CLPTM1: variants seen among roughly 807,000 people sequenced by gnomAD.
CLPTM1 encodes CLPTM1 regulator of GABA type A receptor forward trafficking, also known as putative lipid scramblase CLPTM1.
A neutral mutation model predicts 77.3 loss-of-function variants in CLPTM1; 21 were observed. The observed-to-expected ratio is 0.27, with a 90% confidence interval of 0.19 to 0.39. The LOEUF (loss-of-function observed/expected upper bound fraction) is 0.39. Among genes scored for constraint, CLPTM1 ranks in the 10% least tolerant of loss-of-function variants. CLPTM1 has a pLI of 1.00. For synonymous variants in CLPTM1, 373 were observed against 381.0 expected (o/e 0.98, Z 0.24); for missense variants, 642 against 921.2 (o/e 0.70, Z 3.92).
chr19:44,978,832 G>A (rs1157648889), intron 5 of CLPTM1, among the ~76,000 whole-genome samples: 1 of 151,920 alleles, frequency 6.6e-6, no homozygotes, highest in Admixed American at 6.6e-5. Flanking sequence ...GGGAGTACTA[G>A]AGTACATCAG....
chr19:44,968,086 C>T (rs184632872), intron 2 of CLPTM1, among the ~76,000 whole-genome samples: 5 of 152,252 alleles, frequency 3.3e-5, no homozygotes, highest in African/African-American at 1.2e-4. Flanking sequence ...TGAAATCTTT[C>T]CACGTCAGTG....
chr19:44,978,409 C>A (rs1180750944), intron 5 of CLPTM1, among the ~76,000 whole-genome samples: 64 of 138,852 alleles, frequency 4.6e-4, no homozygotes, highest in Middle Eastern at 3.6e-3. Flanking sequence ...GTCTCCGTCT[C>A]AAAAAAAAAA....
intron 8 of CLPTM1, 22 bp from the exon 9 acceptor site, chr19:44,988,058 T>C: frequency 6.4e-7 from 1 of 1,567,232 alleles, no homozygotes; most frequent in Non-Finnish European, 8.8e-7. Flanking sequence ...GGACAGGCTG[T>C]GCTCACATGT....
upstream of CLPTM1, chr19:44,954,883 G>T (rs1970432152): frequency 7.9e-7 from 1 of 1,262,374 alleles, no homozygotes; most frequent in Non-Finnish European, 1.1e-6. Flanking sequence ...AGGAAGAGGG[G>T]TCAGAAGACA....
rs1971060010 is a variant in CLPTM1 at position 44,990,784 on chromosome 19, G to T, written c.1324-66G>T. ...CTGGGAACGGTGGGGAAGGGCAGGG[G>T]CTGGTTCTGGCTTGTGGGGTGGGAG... is the stretch of plus-strand genomic sequence containing the variant. On this transcript the variant is annotated intron_variant, in intron 10 of 13. Coordinates refer to ENST00000337392, the MANE Select transcript of CLPTM1 (RefSeq NM_001294.4). This position sits in a 1 kb window ranked among gnomAD's most constrained non-coding sequence, Gnocchi z 4.8. 2.1e-6 allele frequency: 3 copies of T among 1,421,504 alleles called. No homozygotes were observed. The highest frequency in any genetic ancestry group is 3.0e-6 in the Non-Finnish European group (3 of 1,013,138). 88.1% of individuals were successfully genotyped at this position (1,421,504 alleles called of 1,614,324 possible). A position where few individuals can be genotyped will look rare whatever the true frequency, so the allele number is the denominator to read the frequency against.
chr19:44,954,710 C>G, upstream of CLPTM1: 1 of 1,207,740 alleles, frequency 8.3e-7, no homozygotes, highest in African/African-American at 1.5e-5. Context: ...AGGTTTGGAC[C>G]ACTGAGGGAA....
intron 9 of CLPTM1, among the ~76,000 whole-genome samples, chr19:44,988,775 G>T (rs1389560486): frequency 6.6e-6 from 1 of 152,212 alleles, no homozygotes; most frequent in Non-Finnish European, 1.5e-5. Context: ...CATCTTCTAG[G>T]CCCTGCAGGC....
In CLPTM1 at chr19:44,991,459, A is replaced by T. The variant is rs989315812; in HGVS notation, c.1555+86A>T. The T allele has an allele frequency of 2.1e-5, 32 of 1,523,836 alleles. 1 individual carries two copies. Among genetic ancestry groups the T allele is most frequent in the South Asian group, 2.0e-4 (17 of 86,220 alleles). The allele number at this position is 1,523,836 out of a possible 1,614,324, so 94.4% of individuals were successfully genotyped here. On this transcript the variant is annotated intron_variant, in intron 12 of 13. Coordinates refer to ENST00000337392, the MANE Select transcript of CLPTM1 (RefSeq NM_001294.4). This position sits in a 1 kb window ranked among gnomAD's most constrained non-coding sequence, Gnocchi z 5.4. ...CAGTGTAGGAGACAGACCCATCCCC[A>T]GACAGGGACAACCTAGGGTGGGCAG... is the stretch of plus-strand genomic sequence containing the variant.
intron 1 of CLPTM1, chr19:44,955,857 A>C (rs1205689028): frequency 5.3e-6 from 1 of 189,790 alleles, no homozygotes; most frequent in Non-Finnish European, 1.1e-5. Flanking sequence ...GCAGTGATTA[A>C]TTGGGAGTTT....
At position 44,992,947 on chromosome 19, in the gene CLPTM1, G is replaced by A. The variant is rs374601780; in HGVS notation, c.*50G>A. The A allele has an allele frequency of 2.2e-4, 344 of 1,582,802 alleles. No homozygotes were observed. The highest frequency in any genetic ancestry group is 9.5e-4 in the Admixed American group (54 of 56,752). On this transcript the variant is annotated 3_prime_UTR_variant, in exon 14 of 14. Transcript: ENST00000337392. The surrounding 1 kb of genome is among the most constrained non-coding windows in gnomAD (Gnocchi z 7.7). Reference sequence around the variant, plus strand: ...GGCTCCTGGCGACCACTACCCCTGCGTCCCGGCCCCCTCGCCTCCCCTCCC... The same window carrying A: ...GGCTCCTGGCGACCACTACCCCTGCATCCCGGCCCCCTCGCCTCCCCTCCC...
intron 9 of CLPTM1, among the ~76,000 whole-genome samples, chr19:44,988,930 C>CTTTGGG (rs1388721091): frequency 6.6e-6 from 1 of 152,124 alleles, no homozygotes; most frequent in African/African-American, 2.4e-5. Context: ...CCTGTAATCC[C>CTTTGGG]AGCACTTTGG....
At chr19:44,965,133 G>A (rs1351013709) in intron 2 of CLPTM1, among the ~76,000 whole-genome samples, 2 of 151,836 alleles carry the variant, frequency 1.3e-5, no homozygotes, top group Admixed American at 6.6e-5. Flanking sequence ...CAAAATAAGA[G>A]ACCACACCAT....
At chr19:44,957,007 C>T (rs1689308434) in intron 1 of CLPTM1, among the ~76,000 whole-genome samples, 1 of 152,174 alleles carries the variant, frequency 6.6e-6, no homozygotes, top group Non-Finnish European at 1.5e-5. Flanking sequence ...GTGGCCTCTA[C>T]GCACTAGATG....
chr19:44,990,935 T>G lies in CLPTM1; in HGVS notation c.1409T>G (p.Val470Gly). 1 of 1,612,152 alleles carries G rather than the reference T, an allele frequency of 6.2e-7. No homozygotes were observed. Residue 470 changes from valine (V) to glycine (G), a missense_variant, in exon 11 of 14, where the codon GTG becomes GGG. Val to Gly is a moderately radical substitution (Grantham distance 109, BLOSUM62 -3). This residue lies in a region of CLPTM1 where 521 missense variants were observed against 800.4 expected (regional missense o/e 0.65). Coordinates refer to ENST00000337392, the MANE Select transcript of CLPTM1 (RefSeq NM_001294.4). The surrounding 1 kb of genome is among the most constrained non-coding windows in gnomAD (Gnocchi z 4.8). ...KSTYIESSTKVYDDMAFRYLS... is the reference protein window; with the variant it reads ...KSTYIESSTKGYDDMAFRYLS... ...ACGTATATCGAGTCCTCGACCAAAG[T>G]GTATGATGATGTGAGTGTCCTGCAC...
At position 44,992,419 on chromosome 19, in the gene CLPTM1, GT is replaced by G; in HGVS notation, c.1723+20del. On this transcript the variant is annotated intron_variant, in intron 13 of 13. Transcript: ENST00000337392. The surrounding 1 kb of genome is among the most constrained non-coding windows in gnomAD (Gnocchi z 7.7). ...CGGGACGGTGAGGCCCGGTGGGCAGGTGGGAGCTCCCACCGGAACAGGGCCC... is the reference window on the plus strand; with the variant it reads ...CGGGACGGTGAGGCCCGGTGGGCAGGGGGAGCTCCCACCGGAACAGGGCCC... 1 of 1,613,950 alleles carries G rather than the reference GT, an allele frequency of 6.2e-7. No homozygotes were observed. Among genetic ancestry groups the G allele is most frequent in the East Asian group, 2.2e-5 (1 of 44,866 alleles).
intron 2 of CLPTM1, among the ~76,000 whole-genome samples, chr19:44,967,927 G>A (rs148303595): frequency 7.6e-4 from 116 of 152,268 alleles, no homozygotes; most frequent in South Asian, 2.9e-3. Context: ...AAAGACTTCA[G>A]ATTTTCTTAT....
At chr19:44,975,132 C>G (rs1439843128) in intron 4 of CLPTM1, among the ~76,000 whole-genome samples, 1 of 152,234 alleles carries the variant, frequency 6.6e-6, no homozygotes, top group Non-Finnish European at 1.5e-5. Context: ...GCTGTGGACT[C>G]TCGCAGCCCT....
At chr19:44,960,189 C>T (rs1467599242) in intron 1 of CLPTM1, among the ~76,000 whole-genome samples, 10 of 152,216 alleles carry the variant, frequency 6.6e-5, no homozygotes, top group Non-Finnish European at 1.5e-4. Flanking sequence ...GCCTAAGGGT[C>T]TCACCCAGAC....
At chr19:44,967,247 A>T (rs1970647605) in intron 2 of CLPTM1, among the ~76,000 whole-genome samples, 2 of 152,174 alleles carry the variant, frequency 1.3e-5, no homozygotes, top group African/African-American at 4.8e-5. Context: ...TGAGCCCAGG[A>T]GGTCAAGGCT....
Sources: allele counts gnomAD v4.1 joint callset (sites outside exome capture counted in the v4.1 genomes callset), GRCh38; gene constraint gnomAD v4.1.1; regional missense constraint gnomAD v4.1.1; non-coding constraint Gnocchi (gnomAD v3.1); transcripts MANE v1.5; gene names NCBI Gene and HGNC (gene_info 2026-07-23, HGNC 2026-07-21).